The following CDH6 variants were observed in gnomAD, a reference collection of about 807,000 sequenced individuals.
CDH6 encodes the protein cadherin-6.
CDH6 carries 31 observed loss-of-function variants against 78.0 expected under a neutral mutation model. The ratio of observed to expected loss-of-function variants is 0.40; its 90% confidence interval spans 0.30 to 0.54. The LOEUF (loss-of-function observed/expected upper bound fraction) is 0.54. Ranked by LOEUF, CDH6 falls within the 20% of genes least tolerant of loss-of-function variation. The probability of loss-of-function intolerance (pLI) is 0.56; values close to 1 mark genes in which losing one functional copy is unlikely to be tolerated. For synonymous variants in CDH6, 376 were observed against 368.8 expected (o/e 1.02, Z -0.23); for missense variants, 724 against 975.9 (o/e 0.74, Z 3.44).
intron 1 of CDH6, among the ~76,000 whole-genome samples, chr5:31,246,721 A>G (rs1741757522): frequency 1.3e-5 from 2 of 151,962 alleles, no homozygotes; most frequent in South Asian, 2.1e-4. Context: ...ATAACATTGA[A>G]GAGTTTTTTG....
At chr5:31,263,960 T>C (rs34010476) in intron 1 of CDH6, among the ~76,000 whole-genome samples, 97,339 of 152,068 alleles carry the variant, frequency 0.64, 31,310 homozygotes, top group East Asian at 0.8. Context: ...CGTAATAAAA[T>C]GGAAAGAAGA....
chr5:31,317,120 G>T (rs904129267), intron 9 of CDH6, among the ~76,000 whole-genome samples: 2 of 152,130 alleles, frequency 1.3e-5, no homozygotes, highest in Non-Finnish European at 2.9e-5. Flanking sequence ...CTGATATCTC[G>T]TGGGTAGAGG....
intron 2 of CDH6, among the ~76,000 whole-genome samples, chr5:31,281,192 G>A (rs1283808287): frequency 6.6e-6 from 1 of 152,062 alleles, no homozygotes; most frequent in Non-Finnish European, 1.5e-5. Flanking sequence ...AAGTCCATTT[G>A]CTATTAAGGA....
chr5:31,286,158 T>C (rs774547568), intron 2 of CDH6, among the ~76,000 whole-genome samples: 2 of 152,206 alleles, frequency 1.3e-5, no homozygotes, highest in African/African-American at 2.4e-5. Context: ...TCATTGACTA[T>C]TAGTGTCTAT....
At chr5:31,228,210 AC>A (rs1384472807) in intron 1 of CDH6, among the ~76,000 whole-genome samples, 1 of 152,092 alleles carries the variant, frequency 6.6e-6, no homozygotes, top group Non-Finnish European at 1.5e-5. Flanking sequence ...AGGTCTAAGG[AC>A]CTTTGTGGTT....
In CDH6 at chr5:31,220,281, T is replaced by C. The variant is rs146770522; in HGVS notation, c.-129+26395T>C. On this transcript the variant is annotated intron_variant, in intron 1 of 11. Transcript: ENST00000265071. ...CAAAATCAAAGCAAAATACTGATTTTTTTAAATGTGAGAACTCAGGAAGCA... is the reference window on the plus strand; with the variant it reads ...CAAAATCAAAGCAAAATACTGATTTCTTTAAATGTGAGAACTCAGGAAGCA... Among the ~76,000 whole-genome samples the C allele has an allele frequency of 3.3e-5, 5 of 152,332 alleles. No homozygotes were observed. In the East Asian group the frequency reaches 5.8e-4, roughly 18 times the overall value.
At chr5:31,194,676 G>C (rs1740114724) in intron 1 of CDH6, among the ~76,000 whole-genome samples, 1 of 152,094 alleles carries the variant, frequency 6.6e-6, no homozygotes, top group African/African-American at 2.4e-5. Context: ...CTCAAATCTG[G>C]GGGATAAAGC....
At chr5:31,265,861 G>A (rs893849083) in intron 1 of CDH6, among the ~76,000 whole-genome samples, 7 of 131,730 alleles carry the variant, frequency 5.3e-5, no homozygotes, top group Middle Eastern at 4.8e-3. Flanking sequence ...TGCAAGCTCC[G>A]TCTCCTGGGT....
chr5:31,202,209 T>C (rs1740370273), intron 1 of CDH6, among the ~76,000 whole-genome samples: 1 of 152,218 alleles, frequency 6.6e-6, no homozygotes, highest in African/African-American at 2.4e-5. Flanking sequence ...CAAAAAGCAA[T>C]TGCCTTCTAG....
intron 1 of CDH6, among the ~76,000 whole-genome samples, chr5:31,195,453 C>A (rs1410766886): frequency 6.6e-6 from 1 of 152,100 alleles, no homozygotes; most frequent in Non-Finnish European, 1.5e-5. Context: ...AAAGCTTTAC[C>A]TGAAAAGGAA....
intron 2 of CDH6, among the ~76,000 whole-genome samples, chr5:31,269,615 T>C (rs1012649862): frequency 6.6e-6 from 1 of 152,090 alleles, no homozygotes; most frequent in Non-Finnish European, 1.5e-5. Flanking sequence ...AAATCCGTTG[T>C]ATATGTTCTA....
intron 1 of CDH6, among the ~76,000 whole-genome samples, chr5:31,223,780 C>T (rs1579828859): frequency 6.6e-6 from 1 of 151,590 alleles, no homozygotes; most frequent in Non-Finnish European, 1.5e-5. Context: ...TTTGATGCAC[C>T]CTTCATTTGG....
intron 4 of CDH6, among the ~76,000 whole-genome samples, chr5:31,297,937 T>C (rs918284888): frequency 6.6e-6 from 1 of 152,212 alleles, no homozygotes; most frequent in Non-Finnish European, 1.5e-5. Flanking sequence ...GTAGCCTGAA[T>C]GTCTGAGTGG....
chr5:31,236,442 G>T (rs1481811602), intron 1 of CDH6, among the ~76,000 whole-genome samples: 2 of 152,122 alleles, frequency 1.3e-5, no homozygotes, highest in Non-Finnish European at 2.9e-5. Flanking sequence ...ATGAATGAAG[G>T]TGATGGGAAG....
intron 1 of CDH6, among the ~76,000 whole-genome samples, chr5:31,214,304 A>C (rs1740804516): frequency 6.6e-6 from 1 of 152,102 alleles, no homozygotes; most frequent in Non-Finnish European, 1.5e-5. Context: ...TCTACATCCT[A>C]AGGGGAATAA....
intron 3 of CDH6, among the ~76,000 whole-genome samples, chr5:31,295,652 G>GT (rs1737563983): frequency 6.6e-6 from 1 of 152,152 alleles, no homozygotes; most frequent in South Asian, 2.1e-4. Flanking sequence ...CATAAAGGCA[G>GT]TGGGACAACA....
chr5:31,291,802 C>T (rs1310741327), intron 2 of CDH6, among the ~76,000 whole-genome samples: 3 of 152,222 alleles, frequency 2.0e-5, no homozygotes, highest in African/African-American at 4.8e-5. Flanking sequence ...GTTTCCTTAG[C>T]ATATCCCATC....
chr5:31,262,871 C>A (rs1742245093), intron 1 of CDH6, among the ~76,000 whole-genome samples: 1 of 152,144 alleles, frequency 6.6e-6, no homozygotes, highest in Non-Finnish European at 1.5e-5. Context: ...AGAAATCAAC[C>A]GTTTCCCACA....
At chr5:31,220,639 A>G (rs2111829989) in intron 1 of CDH6, among the ~76,000 whole-genome samples, 1 of 152,352 alleles carries the variant, frequency 6.6e-6, no homozygotes, top group South Asian at 2.1e-4. Flanking sequence ...ATACATATGT[A>G]CATAAAAACT....
Sources: allele counts gnomAD v4.1 joint callset (sites outside exome capture counted in the v4.1 genomes callset), GRCh38; gene constraint gnomAD v4.1.1; transcripts MANE v1.5; gene names NCBI Gene and HGNC (gene_info 2026-07-23, HGNC 2026-07-21).